Variants in FMN1 observed in about 807,000 individuals in gnomAD.
FMN1 encodes the protein formin 1.
A neutral mutation model predicts 132.4 loss-of-function variants in FMN1; 110 were observed. The observed-to-expected ratio is 0.83, with a 90% CI of 0.71 to 0.97. The LOEUF (loss-of-function observed/expected upper bound fraction) is 0.97. Among genes scored for constraint, FMN1 ranks in the 50% least tolerant of loss-of-function variants. The probability of loss-of-function intolerance (pLI) is 0.00; values close to 1 mark genes in which losing one functional copy is unlikely to be tolerated. For synonymous variants in FMN1, 722 were observed against 651.7 expected, an observed-to-expected ratio of 1.11 and a Z score of -1.64; for missense variants, 1,792 against 1,705.3, an observed-to-expected ratio of 1.05 and a Z score of -0.90.
intron 6 of FMN1, among the ~76,000 whole-genome samples, chr15:33,050,907 G>A (rs2036937250): frequency 6.6e-6 from 1 of 152,224 alleles, no homozygotes; most frequent in Non-Finnish European, 1.5e-5. Context: ...TGCCCTGTAT[G>A]CACTGACATA....
intron 6 of FMN1, among the ~76,000 whole-genome samples, chr15:33,044,795 G>A (rs1014575239): frequency 3.3e-5 from 5 of 152,178 alleles, no homozygotes; most frequent in African/African-American, 1.2e-4. Context: ...CTGTACAGAG[G>A]AGCTACCCAC....
At chr15:32,994,840 CTG>C (rs1308582487) in intron 7 of FMN1, among the ~76,000 whole-genome samples, 8 of 152,182 alleles carry the variant, frequency 5.3e-5, no homozygotes, top group South Asian at 4.1e-4. Flanking sequence ...TGTACTGTCT[CTG>C]TAAGTACATT....
intron 7 of FMN1, among the ~76,000 whole-genome samples, chr15:32,985,958 C>T (rs72719360): frequency 0.043 from 6,499 of 152,120 alleles, 218 homozygotes; most frequent in Non-Finnish European, 0.059. Context: ...CAGGTGTTTT[C>T]GTCCATGTGC....
In FMN1 at chr15:33,145,044, G is replaced by A. The variant is rs537159396; in HGVS notation, c.1867+8004C>T. 6.2e-4 allele frequency among the ~76,000 whole-genome samples: 95 copies of A among 152,108 alleles called. 1 individual carries two copies. The highest frequency in any genetic ancestry group is 2.2e-3 in the African/African-American group (92 of 41,494). ...GGGAGTAATAACAAGCTAAAAAATC[G>A]GTATTTCACTGACTCTACCGATTTT... On this transcript the variant is annotated intron_variant, in intron 4 of 20. Transcript: ENST00000616417.
At chr15:32,866,238 A>G (rs1409767314) in intron 16 of FMN1, among the ~76,000 whole-genome samples, 5 of 64,036 alleles carry the variant, frequency 7.8e-5, no homozygotes, top group East Asian at 5.2e-4. Context: ...AAAAAAAAAG[A>G]AAAAAGAAAA....
Position 32,773,062 on chromosome 15 carries a change from C to G in FMN1, c.*1248G>C, listed in dbSNP as rs1036728644. 9.2e-5 allele frequency: 14 copies of G among 152,148 alleles called. No homozygotes were observed. Among genetic ancestry groups the G allele is most frequent in the African/African-American group, 3.4e-4 (14 of 41,412 alleles). The allele number at this position is 152,148 out of a possible 1,614,324, so 9.4% of individuals were successfully genotyped here. A position where few individuals can be genotyped will look rare whatever the true frequency, so the allele number is the denominator to read the frequency against. ...TTCATCTCCAGTCCTCTTTCTTCAC[C>G]CCTCACAAGATTTCAGAGACGTGGC... On this transcript the variant is annotated 3_prime_UTR_variant, in exon 21 of 21. Coordinates refer to ENST00000616417, the MANE Select transcript of FMN1 (RefSeq NM_001277313.2).
chr15:32,975,663 G>C (rs1279309680), intron 7 of FMN1, among the ~76,000 whole-genome samples: 1 of 151,998 alleles, frequency 6.6e-6, no homozygotes, highest in Non-Finnish European at 1.5e-5. Context: ...ATTTCTAAAA[G>C]TTGATGTTGA....
At chr15:32,839,070 G>T (rs1286740908) in intron 17 of FMN1, among the ~76,000 whole-genome samples, 1 of 152,140 alleles carries the variant, frequency 6.6e-6, no homozygotes, top group Admixed American at 6.5e-5. Context: ...CAAACTGGGA[G>T]GAGCCTGTCA....
intron 4 of FMN1, among the ~76,000 whole-genome samples, chr15:33,113,243 T>TG (rs2039781125): frequency 7.7e-6 from 1 of 130,016 alleles, no homozygotes; most frequent in South Asian, 2.6e-4. Flanking sequence ...TAAAGGTCAG[T>TG]GGGCTCCTTG....
At position 32,768,086 on chromosome 15, in the gene FMN1, T is replaced by C. The variant is rs1385189628; in HGVS notation, c.*6224A>G. 3 of 152,226 alleles carry C rather than the reference T, an allele frequency of 2.0e-5. No homozygotes were observed. The highest frequency in any genetic ancestry group is 2.9e-5 in the Non-Finnish European group (2 of 68,040). The allele number at this position is 152,226 out of a possible 1,614,324, so 9.4% of individuals were successfully genotyped here. On this transcript the variant is annotated 3_prime_UTR_variant, in exon 21 of 21. Coordinates refer to ENST00000616417, the MANE Select transcript of FMN1 (RefSeq NM_001277313.2). The stretch of plus-strand genomic sequence containing the variant: ...TAGTCCCTTACTGGGAAGAGCAGTA[T>C]AATTTTTGTATGCTATAAACTCCTT...
At chr15:33,187,768 T>C (rs1009123309) in intron 2 of FMN1, among the ~76,000 whole-genome samples, 1 of 152,142 alleles carries the variant, frequency 6.6e-6, no homozygotes, top group African/African-American at 2.4e-5. Context: ...GGTATAATAC[T>C]GAGAAGGACT....
intron 3 of FMN1, among the ~76,000 whole-genome samples, chr15:33,169,357 A>C (rs1482021229): frequency 1.3e-5 from 2 of 152,238 alleles, no homozygotes; most frequent in African/African-American, 4.8e-5. Context: ...CACATAAATA[A>C]AAATCCTTTG....
Position 32,969,428 on chromosome 15 carries a change from A to G in FMN1, c.2273T>C (p.Ile758Thr). ...AFHIRGEHAMITARLEETIEN... is the reference protein window; with the variant it reads ...AFHIRGEHAMTTARLEETIEN... ...AATGGTTTCTTCTAGTCTCGCTGTT[A>G]TCATTGCATGCTCGCCCCGGATATG... The change falls in exon 8 of 21, where the codon ATA becomes ACA. Residue 758 changes from isoleucine to threonine, a missense_variant. Coordinates refer to ENST00000616417, the MANE Select transcript of FMN1 (RefSeq NM_001277313.2). 1 of 1,613,976 alleles carries G rather than the reference A, an allele frequency of 6.2e-7. No individual in the cohort carries two copies. Among genetic ancestry groups the G allele is most frequent in the Non-Finnish European group, 8.5e-7 (1 of 1,179,884 alleles).
rs1401988046 is a variant in FMN1, at chr15:33,019,624, G to A, written c.2162-11549C>T. Among the ~76,000 whole-genome samples, 6 of 152,328 alleles carry A rather than the reference G, an allele frequency of 3.9e-5. No individual in the cohort carries two copies. In the East Asian group the frequency reaches 1.2e-3, roughly 29 times the overall value. On this transcript the variant is annotated intron_variant, in intron 6 of 20. Transcript: ENST00000616417. ...AGCTGGAGGTCCCGAGCCCTGCCCT[G>A]CAAGGAGGCAGCTAAGCCCCGGGGA...
intron 17 of FMN1, among the ~76,000 whole-genome samples, chr15:32,847,682 G>A (rs144794217): frequency 0.013 from 1,904 of 152,224 alleles, 20 homozygotes; most frequent in South Asian, 0.021. Context: ...GTGAAACCCC[G>A]TCTCTACTAA....
chr15:32,784,045 T>C (rs2056766466), intron 19 of FMN1, among the ~76,000 whole-genome samples: 1 of 152,182 alleles, frequency 6.6e-6, no homozygotes, highest in African/African-American at 2.4e-5. Context: ...AAGTTTGTAA[T>C]AACAGAAGTG....
At chr15:32,930,413 T>G (rs115098071) in intron 9 of FMN1, among the ~76,000 whole-genome samples, 1,989 of 147,160 alleles carry the variant, frequency 0.014, 40 homozygotes, top group African/African-American at 0.049. Context: ...ATTTTTCAGT[T>G]TTTTTTTTTT....
intron 16 of FMN1, among the ~76,000 whole-genome samples, chr15:32,887,325 C>T (rs2059920073): frequency 6.6e-6 from 1 of 152,186 alleles, no homozygotes; most frequent in Non-Finnish European, 1.5e-5. Flanking sequence ...CTCTCTAAAT[C>T]CTCCGCAGAG....
intron 4 of FMN1, among the ~76,000 whole-genome samples, chr15:33,122,345 T>A (rs543601285): frequency 4.2e-4 from 64 of 152,300 alleles, no homozygotes; most frequent in Non-Finnish European, 8.1e-4. Context: ...AAGAAGAAAA[T>A]TTTTTAACCC....
Sources: allele counts gnomAD v4.1 joint callset (sites outside exome capture counted in the v4.1 genomes callset), GRCh38; gene constraint gnomAD v4.1.1; transcripts MANE v1.5; gene names NCBI Gene and HGNC (gene_info 2026-07-23, HGNC 2026-07-21).